Variants in ADGRB1 observed in about 807,000 individuals in gnomAD.
ADGRB1 encodes the protein adhesion G protein-coupled receptor B1.
ADGRB1 carries 36 observed loss-of-function variants against 175.7 expected under a neutral mutation model. That is an observed-to-expected ratio of 0.20 (90% CI 0.16 to 0.27). The LOEUF (loss-of-function observed/expected upper bound fraction) is 0.27. Ranked by LOEUF, ADGRB1 falls within the 10% of genes least tolerant of loss-of-function variation. ADGRB1 has a pLI of 1.00. For missense variants in ADGRB1, 1,731 were observed against 2,255.3 expected (o/e 0.77, Z 4.71); for synonymous variants, 1,054 against 979.4 (o/e 1.08, Z -1.42).
At chr8:142,507,197 C>T (rs1350160033) in intron 17 of ADGRB1, among the ~76,000 whole-genome samples, 2 of 152,156 alleles carry the variant, frequency 1.3e-5, no homozygotes, top group Non-Finnish European at 2.9e-5. Flanking sequence ...AAGCCATTAT[C>T]GTGGAGGTGC....
intron 1 of ADGRB1, among the ~76,000 whole-genome samples, chr8:142,462,105 G>C (rs1219970178): frequency 6.6e-6 from 1 of 152,172 alleles, no homozygotes; most frequent in African/African-American, 2.4e-5. Context: ...GGGCTTCCAG[G>C]AGGCAGGGGA....
Position 142,496,684 on chromosome 8 carries a change from C to CT in ADGRB1, c.2675+5870dup, listed in dbSNP as rs370046986. Among the ~76,000 whole-genome samples, 399 of 152,306 alleles carry CT rather than the reference C, an allele frequency of 2.6e-3. 2 individuals are homozygous for CT. Among genetic ancestry groups the CT allele is most frequent in the African/African-American group, 8.3e-3 (347 of 41,560 alleles). Reference sequence around the variant, plus strand: ...GCAAGATCCTGAAAGATCATGCACTCTGTCTTTACTCGAAGCGTGGTTCAG... The same window carrying CT: ...GCAAGATCCTGAAAGATCATGCACTCTTGTCTTTACTCGAAGCGTGGTTCAG... On this transcript the variant is annotated intron_variant, in intron 17 of 30. Transcript: ENST00000517894.
intron 24 of ADGRB1, among the ~76,000 whole-genome samples, chr8:142,527,224 CAG>C (rs1844255739): frequency 6.6e-6 from 1 of 152,206 alleles, no homozygotes; most frequent in South Asian, 2.1e-4. Flanking sequence ...GCCCTGGGCA[CAG>C]AGGGGAAGCT....
intron 17 of ADGRB1, among the ~76,000 whole-genome samples, chr8:142,509,369 C>T (rs190091154): frequency 1.4e-3 from 209 of 152,308 alleles, no homozygotes; most frequent in Non-Finnish European, 2.1e-3. Context: ...GGTCACATAG[C>T]TAGGATAGGA....
At chr8:142,522,920 G>T (rs1215849642) in intron 22 of ADGRB1, among the ~76,000 whole-genome samples, 1 of 152,250 alleles carries the variant, frequency 6.6e-6, no homozygotes, top group Non-Finnish European at 1.5e-5. Context: ...CTGGCAGCGA[G>T]CAGTGGGCAG....
rs1303105218 is a variant in ADGRB1 at position 142,488,623 on chromosome 8, G to A, written c.2452+116G>A. On this transcript the variant is annotated intron_variant, in intron 14 of 30. Coordinates refer to ENST00000517894, the MANE Select transcript of ADGRB1 (RefSeq NM_001702.3). Reference sequence around the variant, plus strand: ...CCTCAGAGTTGGGCGGTTCTCAAGGGGGTCCTCTTTTCCAGGAAGCCCTCC... The same window carrying A: ...CCTCAGAGTTGGGCGGTTCTCAAGGAGGTCCTCTTTTCCAGGAAGCCCTCC... 13 of 1,374,508 alleles carry A rather than the reference G, an allele frequency of 9.5e-6. No individual in the cohort carries two copies. In the East Asian group the frequency reaches 3.1e-4, roughly 33 times the overall value. 85.1% of individuals were successfully genotyped at this position (1,374,508 alleles called of 1,614,324 possible).
chr8:142,458,380 G>C (rs1180581028), intron 1 of ADGRB1, among the ~76,000 whole-genome samples: 1 of 152,164 alleles, frequency 6.6e-6, no homozygotes, highest in African/African-American at 2.4e-5. Flanking sequence ...GGAGGCGGGT[G>C]CAGTGCCTCT....
intron 19 of ADGRB1, 68 bp downstream of exon 19, chr8:142,518,309 G>T: frequency 6.5e-7 from 1 of 1,527,818 alleles, no homozygotes; most frequent in South Asian, 1.1e-5. Context: ...TTCCCTTGAA[G>T]GTCACGGGCG....
In ADGRB1 at chr8:142,475,652, C is replaced by T. The variant is rs1206339248; in HGVS notation, c.946+17C>T. The T allele has an allele frequency of 1.1e-5, 12 of 1,044,418 alleles. No homozygotes were observed. The South Asian group carries it at 3.2e-4, about 27-fold the overall frequency. The allele number at this position is 1,044,418 out of a possible 1,614,324, so 64.7% of individuals were successfully genotyped here. A position where few individuals can be genotyped will look rare whatever the true frequency, so the allele number is the denominator to read the frequency against. On this transcript the variant is annotated intron_variant, in intron 3 of 30. Coordinates refer to ENST00000517894, the MANE Select transcript of ADGRB1 (RefSeq NM_001702.3). The stretch of plus-strand genomic sequence containing the variant: ...CCTGCGGCCGTGAGTGCGGGCGGGG[C>T]GGGGCGGAGCCGGAGCCCTGGAGAG...
At chr8:142,494,801 C>G (rs1032040960) in intron 17 of ADGRB1, among the ~76,000 whole-genome samples, 2 of 151,892 alleles carry the variant, frequency 1.3e-5, no homozygotes, top group African/African-American at 4.8e-5. Context: ...CCTGCTCCCC[C>G]ACACCCCTGC....
chr8:142,518,428 G>A (rs1231227354), intron 19 of ADGRB1, among the ~76,000 whole-genome samples, 187 bp downstream of exon 19: 1 of 151,826 alleles, frequency 6.6e-6, no homozygotes, highest in Non-Finnish European at 1.5e-5. Context: ...CAGGTCCTGA[G>A]GCCACCCCAC....
chr8:142,514,327 G>A (rs1361033481), intron 18 of ADGRB1, among the ~76,000 whole-genome samples: 2 of 152,128 alleles, frequency 1.3e-5, no homozygotes, highest in African/African-American at 4.8e-5. Context: ...CTCCTCTAGA[G>A]CTGGCCTGGA....
Position 142,479,442 on chromosome 8 carries a change from G to A in ADGRB1, c.1681G>A (p.Gly561Ser). The A allele has an allele frequency of 6.5e-7, 1 of 1,549,836 alleles. No homozygotes were observed. Among genetic ancestry groups the A allele is most frequent in the Admixed American group, 2.2e-5 (1 of 45,350 alleles). ...CTTCTTCGGGGGAGCAGCCTGCCAG[G>A]GCCCCCAGGATGAGTACCGGCAGTG... is the stretch of plus-strand genomic sequence containing the variant. ...GPFFGGAACQ[G>S]PQDEYRQCGT... Residue 561 changes from glycine (G) to serine (S), a missense_variant, in exon 8 of 31, where the codon GGC becomes AGC. Gly to Ser is a moderately conservative substitution (Grantham distance 56). This residue lies in a region of ADGRB1 where 388 missense variants were observed against 630.9 expected (regional missense o/e 0.61). Coordinates refer to ENST00000517894, the MANE Select transcript of ADGRB1 (RefSeq NM_001702.3).
At chr8:142,497,424 G>T (rs1344453426) in intron 17 of ADGRB1, among the ~76,000 whole-genome samples, 1 of 152,134 alleles carries the variant, frequency 6.6e-6, no homozygotes, top group East Asian at 1.9e-4. Flanking sequence ...TCCCCGGGTC[G>T]CTGTCAGCAG....
intron 1 of ADGRB1, among the ~76,000 whole-genome samples, chr8:142,450,939 C>A (rs1034430853): frequency 6.6e-6 from 1 of 152,150 alleles, no homozygotes; most frequent in Non-Finnish European, 1.5e-5. Context: ...CACTCCCGGG[C>A]GCCGAGCACT....
At chr8:142,486,025 A>G (rs1347616094) in intron 13 of ADGRB1, among the ~76,000 whole-genome samples, 2 of 152,314 alleles carry the variant, frequency 1.3e-5, no homozygotes, top group South Asian at 2.1e-4. Flanking sequence ...CAAAGGCCCC[A>G]CCACCAAGTA....
Position 142,474,369 on chromosome 8 carries a change from C to T in ADGRB1, c.785-1105C>T, listed in dbSNP as rs746201762. Among the ~76,000 whole-genome samples the T allele has an allele frequency of 6.6e-5, 10 of 152,282 alleles. No individual in the cohort carries two copies. Among genetic ancestry groups the T allele is most frequent in the South Asian group, 2.1e-4 (1 of 4,828 alleles). ...TCGTGGTGGCCGCCAGCTGTCTCCT[C>T]GCCACCGTAGCCAGGAGCAGCACTT... On this transcript the variant is annotated intron_variant, in intron 2 of 30. Coordinates refer to ENST00000517894, the MANE Select transcript of ADGRB1 (RefSeq NM_001702.3). This position sits in a 1 kb window ranked among gnomAD's most constrained non-coding sequence, Gnocchi z 5.8.
At chr8:142,514,961 G>T (rs934577100) in intron 18 of ADGRB1, among the ~76,000 whole-genome samples, 38 of 152,248 alleles carry the variant, frequency 2.5e-4, no homozygotes, top group Non-Finnish European at 4.7e-4. Context: ...GGACGAAGGT[G>T]GTACTGTGGG....
chr8:142,544,540 C>T lies in ADGRB1; in HGVS notation c.*123C>T, dbSNP rs991529716. 14 of 1,190,958 alleles carry T rather than the reference C, an allele frequency of 1.2e-5. No individual in the cohort carries two copies. The highest frequency in any genetic ancestry group is 1.9e-5 in the South Asian group (1 of 52,310). The allele number at this position is 1,190,958 out of a possible 1,614,324, so 73.8% of individuals were successfully genotyped here. On this transcript the variant is annotated 3_prime_UTR_variant, in exon 31 of 31. Transcript: ENST00000517894. ...CCAGGCCCGCACCCCGGCCTCAGGG[C>T]GCTCAGACGGCGGCCAGGCACAGGG...
Sources: allele counts gnomAD v4.1 joint callset (sites outside exome capture counted in the v4.1 genomes callset), GRCh38; gene constraint gnomAD v4.1.1; regional missense constraint gnomAD v4.1.1; non-coding constraint Gnocchi (gnomAD v3.1); transcripts MANE v1.5; gene names NCBI Gene and HGNC (gene_info 2026-07-23, HGNC 2026-07-21).